TBC1D5: variants seen among roughly 807,000 people sequenced by gnomAD.
TBC1D5 encodes the protein TBC1 domain family member 5.
A neutral mutation model predicts 100.3 loss-of-function variants in TBC1D5; 75 were observed. The observed-to-expected ratio is 0.75, with a 90% CI of 0.62 to 0.91. TBC1D5 has a LOEUF of 0.91. Ranked by LOEUF, TBC1D5 falls within the 40% of genes least tolerant of loss-of-function variation. TBC1D5 has a pLI of 0.00. For missense variants in TBC1D5, 910 were observed against 942.4 expected (o/e 0.97, Z 0.45); for synonymous variants, 323 against 325.6 (o/e 0.99, Z 0.09).
At chr3:17,567,383 T>C (rs992611066) in intron 2 of TBC1D5, among the ~76,000 whole-genome samples, 1 of 151,740 alleles carries the variant, frequency 6.6e-6, no homozygotes, top group Non-Finnish European at 1.5e-5. Context: ...CCTAGCACCA[T>C]CTGTTACCAT....
intron 2 of TBC1D5, among the ~76,000 whole-genome samples, chr3:17,520,608 A>G (rs1170886904): frequency 6.6e-6 from 1 of 152,026 alleles, no homozygotes; most frequent in East Asian, 1.9e-4. Flanking sequence ...GAATTAGGGT[A>G]CAATCAATCT....
At chr3:17,736,461 C>T (rs2076973152) in intron 1 of TBC1D5, among the ~76,000 whole-genome samples, 1 of 152,252 alleles carries the variant, frequency 6.6e-6, no homozygotes, top group Non-Finnish European at 1.5e-5. Flanking sequence ...TACCTTTAGA[C>T]TCTTGTTCCT....
chr3:17,603,441 T>C (rs943237732), intron 2 of TBC1D5, among the ~76,000 whole-genome samples: 9 of 152,110 alleles, frequency 5.9e-5, no homozygotes, highest in African/African-American at 9.7e-5. Flanking sequence ...TAAAAGACAC[T>C]CTCACCAGTG....
At chr3:17,692,219 G>C (rs904968080) in intron 1 of TBC1D5, among the ~76,000 whole-genome samples, 2 of 151,936 alleles carry the variant, frequency 1.3e-5, no homozygotes, top group Non-Finnish European at 2.9e-5. Flanking sequence ...AGCCTCCCAA[G>C]ACGGTGGGTT....
chr3:17,307,106 C>A (rs2083477366), intron 14 of TBC1D5, among the ~76,000 whole-genome samples: 1 of 152,086 alleles, frequency 6.6e-6, no homozygotes, highest in African/African-American at 2.4e-5. Context: ...AGAGGCATAA[C>A]AAGAGCATCT....
chr3:17,189,484 G>A (rs1318549031), intron 18 of TBC1D5, among the ~76,000 whole-genome samples: 2 of 151,872 alleles, frequency 1.3e-5, no homozygotes, highest in African/African-American at 4.8e-5. Context: ...AGAAGATGAG[G>A]GCCACTCTAT....
At chr3:17,291,293 A>G (rs962561429) in intron 15 of TBC1D5, among the ~76,000 whole-genome samples, 3 of 152,216 alleles carry the variant, frequency 2.0e-5, no homozygotes, top group Non-Finnish European at 4.4e-5. Flanking sequence ...ATTAGTTGTA[A>G]AAGAGCACAC....
intron 2 of TBC1D5, among the ~76,000 whole-genome samples, chr3:17,574,805 G>A (rs2096647746): frequency 6.6e-6 from 1 of 151,984 alleles, no homozygotes; most frequent in Non-Finnish European, 1.5e-5. Flanking sequence ...TTTTTCATAG[G>A]AAAAACTCAC....
intron 3 of TBC1D5, among the ~76,000 whole-genome samples, chr3:17,472,380 C>T (rs567341696): frequency 4.7e-4 from 71 of 152,104 alleles, no homozygotes; most frequent in African/African-American, 1.6e-3. Flanking sequence ...CCTCATGATC[C>T]GCCCACCTCA....
intron 3 of TBC1D5, among the ~76,000 whole-genome samples, chr3:17,483,223 C>T (rs534842883): frequency 6.6e-6 from 1 of 152,174 alleles, no homozygotes; most frequent in East Asian, 1.9e-4. Flanking sequence ...ATTAGATAAA[C>T]CATATAAGAA....
At chr3:17,598,654 A>G (rs1211339879) in intron 2 of TBC1D5, among the ~76,000 whole-genome samples, 2 of 152,244 alleles carry the variant, frequency 1.3e-5, no homozygotes, top group Non-Finnish European at 1.5e-5. Flanking sequence ...AAGAAAACCA[A>G]TGAAAAGTAG....
chr3:17,706,857 A>C (rs2074234813), intron 1 of TBC1D5, among the ~76,000 whole-genome samples: 1 of 151,068 alleles, frequency 6.6e-6, no homozygotes, highest in Admixed American at 6.6e-5. Context: ...TTTAAGAAAG[A>C]CCTTTTTTTT....
At chr3:17,603,665 C>G (rs1358659243) in intron 2 of TBC1D5, among the ~76,000 whole-genome samples, 2 of 152,116 alleles carry the variant, frequency 1.3e-5, no homozygotes, top group Non-Finnish European at 2.9e-5. Flanking sequence ...GGCTTTTATT[C>G]TGCCGGCGGC....
chr3:17,617,913 G>A (rs1260056154), intron 2 of TBC1D5, among the ~76,000 whole-genome samples: 2 of 152,140 alleles, frequency 1.3e-5, no homozygotes, highest in Non-Finnish European at 2.9e-5. Flanking sequence ...ACTCATCAAA[G>A]TCTTCCTCCA....
At chr3:17,722,234 G>A (rs2075768170) in intron 1 of TBC1D5, among the ~76,000 whole-genome samples, 1 of 151,908 alleles carries the variant, frequency 6.6e-6, no homozygotes, top group Admixed American at 6.6e-5. Flanking sequence ...TTTAATTAAC[G>A]CTTCTATTTT....
chr3:17,258,478 T>C (rs201624446), intron 16 of TBC1D5, 28 bp downstream of exon 16: 124 of 1,593,610 alleles, frequency 7.8e-5, no homozygotes, highest in Non-Finnish European at 1.0e-4. Context: ...TTGTGATTTA[T>C]AACTATCATC....
chr3:17,292,000 C>T (rs760941579), exon 15 of TBC1D5: 4 of 1,611,320 alleles, frequency 2.5e-6, no homozygotes, highest in Non-Finnish European at 3.4e-6. Context: ...TACTAGAGAT[C>T]ACTAAATAAG....
intron 14 of TBC1D5, among the ~76,000 whole-genome samples, chr3:17,304,337 G>C (rs2083177390): frequency 6.6e-6 from 1 of 152,158 alleles, no homozygotes; most frequent in African/African-American, 2.4e-5. Flanking sequence ...CAGGGATTAG[G>C]GGTGGGGTGT....
In TBC1D5 at chr3:17,456,666, T is replaced by A. The variant is rs79087007; in HGVS notation, c.98-28147A>T. On this transcript the variant is annotated intron_variant, in intron 3 of 21. Coordinates refer to ENST00000253692, the Ensembl canonical transcript of TBC1D5. Reference sequence around the variant, plus strand: ...AGCCAATAACAAATGCTGGTGAGGATGTAGAACTCTTATACACTGCTGGTG... The same window carrying A: ...AGCCAATAACAAATGCTGGTGAGGAAGTAGAACTCTTATACACTGCTGGTG... 4.9e-3 allele frequency among the ~76,000 whole-genome samples: 750 copies of A among 152,304 alleles called. 13 individuals carry two copies. In the East Asian group the frequency reaches 0.073, roughly 15 times the overall value.
Sources: allele counts gnomAD v4.1 joint callset (sites outside exome capture counted in the v4.1 genomes callset), GRCh38; gene constraint gnomAD v4.1.1; transcripts MANE v1.5; gene names NCBI Gene and HGNC (gene_info 2026-07-23, HGNC 2026-07-21).